Variants in RNF115 observed in about 807,000 individuals in gnomAD.
The protein encoded by RNF115 is E3 ubiquitin-protein ligase RNF115.
RNF115 carries 31 observed loss-of-function variants against 39.2 expected under a neutral mutation model. The ratio of observed to expected loss-of-function variants is 0.79; its 90% CI spans 0.59 to 1.07. The LOEUF (loss-of-function observed/expected upper bound fraction) is 1.07. Ranked by LOEUF, RNF115 falls within the 50% of genes least tolerant of loss-of-function variation. RNF115 has a pLI of 0.00. For synonymous variants in RNF115, 124 were observed against 131.0 expected (o/e 0.95, Z 0.37); for missense variants, 384 against 381.7 (o/e 1.01, Z -0.05).
intron 1 of RNF115, among the ~76,000 whole-genome samples, chr1:145,801,541 A>G (rs1352012584): frequency 2.0e-5 from 3 of 152,122 alleles, no homozygotes; most frequent in Non-Finnish European, 4.4e-5. Flanking sequence ...GTCAAAAAAA[A>G]AGAAAGAAAG....
intron 3 of RNF115, among the ~76,000 whole-genome samples, chr1:145,783,806 A>T (rs868965567): frequency 6.6e-6 from 1 of 152,166 alleles, no homozygotes; most frequent in East Asian, 1.9e-4. Flanking sequence ...TATACACTTA[A>T]GAACAGTTAC....
chr1:145,799,208 C>T (rs1465731988), intron 1 of RNF115, among the ~76,000 whole-genome samples: 3 of 151,908 alleles, frequency 2.0e-5, no homozygotes, highest in African/African-American at 7.3e-5. Context: ...GCTGGGACTA[C>T]AAATGCCTGC....
At chr1:145,822,317 A>G (rs1478932748) in intron 1 of RNF115, among the ~76,000 whole-genome samples, 5 of 150,880 alleles carry the variant, frequency 3.3e-5, no homozygotes, top group Non-Finnish European at 7.4e-5. Context: ...CTGTCTCAAA[A>G]AAAAAAAAAG....
chr1:145,753,604 G>C (rs1658179117), intron 4 of RNF115, among the ~76,000 whole-genome samples: 1 of 152,208 alleles, frequency 6.6e-6, no homozygotes, highest in East Asian at 1.9e-4. Context: ...CAGGTACACA[G>C]TTCTTTACAC....
At position 145,746,990 on chromosome 1, in the gene RNF115, G is replaced by A; in HGVS notation, c.791C>T (p.Thr264Ile). The A allele has an allele frequency of 6.2e-7, 1 of 1,611,122 alleles. No individual in the cohort carries two copies. The change falls in exon 9 of 9, where the codon ACA becomes ATA. Residue 264 changes from threonine to isoleucine, a missense_variant. Transcript: ENST00000582693. ...TAAGCTCTTCCTACATACAGGACAT[G>A]TGTCATGCTGAAACAGAAAAATATT... Reference protein sequence around the residue: ...CIVPWLELHDTCPVCRKSLNG... With the variant: ...CIVPWLELHDICPVCRKSLNG...
At chr1:145,805,793 T>C (rs1338296421) in intron 1 of RNF115, among the ~76,000 whole-genome samples, 5 of 152,142 alleles carry the variant, frequency 3.3e-5, no homozygotes, top group Non-Finnish European at 4.4e-5. Context: ...CTATCTCATT[T>C]TACAGACAAG....
chr1:145,771,951 GA>G (rs782462708), intron 3 of RNF115, 32 bp from the exon 4 acceptor site: 2 of 1,564,692 alleles, frequency 1.3e-6, no homozygotes, highest in Admixed American at 3.5e-5. Flanking sequence ...TCACATGTTA[GA>G]AAAATCAATC....
chr1:145,787,068 CAACAGT>C (rs1648414659), intron 2 of RNF115: 14 of 1,267,692 alleles, frequency 1.1e-5, no homozygotes, highest in African/African-American at 1.5e-5. Context: ...TAGATTCTGC[CAACAGT>C]AACAGTAAAG....
chr1:145,758,338 C>T (rs1658376536), intron 4 of RNF115, among the ~76,000 whole-genome samples: 2 of 152,158 alleles, frequency 1.3e-5, no homozygotes, highest in South Asian at 4.1e-4. Context: ...TGCCAACAGT[C>T]ATGTGAGTGA....
At chr1:145,749,800 T>C (rs782324592) in intron 7 of RNF115, among the ~76,000 whole-genome samples, 2 of 152,176 alleles carry the variant, frequency 1.3e-5, no homozygotes, top group Non-Finnish European at 2.9e-5. Context: ...TAGTTCATAC[T>C]TTTCCTTAAA....
intron 4 of RNF115, among the ~76,000 whole-genome samples, chr1:145,767,384 G>A (rs1410814625): frequency 6.6e-6 from 1 of 150,894 alleles, no homozygotes; most frequent in African/African-American, 2.4e-5. Flanking sequence ...GGGGTGGCAG[G>A]GCAGAGGCGC....
At chr1:145,775,076 G>A (rs1647818581) in intron 3 of RNF115, among the ~76,000 whole-genome samples, 1 of 152,072 alleles carries the variant, frequency 6.6e-6, no homozygotes, top group South Asian at 2.1e-4. Context: ...GTGAGATCCT[G>A]TCTCTACAAA....
intron 4 of RNF115, among the ~76,000 whole-genome samples, chr1:145,764,293 G>T (rs1452526010): frequency 6.6e-6 from 1 of 152,212 alleles, no homozygotes; most frequent in Non-Finnish European, 1.5e-5. Context: ...GCCTGCCTTG[G>T]CCTCCTAAAG....
intron 1 of RNF115, among the ~76,000 whole-genome samples, chr1:145,792,809 T>C (rs1648739739): frequency 6.6e-6 from 1 of 152,148 alleles, no homozygotes; most frequent in Admixed American, 6.5e-5. Flanking sequence ...GTAGGAAACT[T>C]TAGTTAACTA....
rs1053369461 is a variant in RNF115 at position 145,743,759 on chromosome 1, C to A, written c.*3107G>T. 1 of 147,462 alleles carries A rather than the reference C, an allele frequency of 6.8e-6. No individual in the cohort carries two copies. The highest frequency in any genetic ancestry group is 1.5e-5 in the Non-Finnish European group (1 of 67,390). 9.1% of individuals were successfully genotyped at this position (147,462 alleles called of 1,614,324 possible). A position where few individuals can be genotyped will look rare whatever the true frequency, so the allele number is the denominator to read the frequency against. ...TTGCACCACTGCACTCCAGCCTAGGCGACAGAGCAAGCCTCCATCTCAAAA... is the reference window on the plus strand; with the variant it reads ...TTGCACCACTGCACTCCAGCCTAGGAGACAGAGCAAGCCTCCATCTCAAAA... On this transcript the variant is annotated 3_prime_UTR_variant, in exon 9 of 9. Transcript: ENST00000582693.
chr1:145,801,579 A>G (rs1649246075), intron 1 of RNF115, among the ~76,000 whole-genome samples: 1 of 152,122 alleles, frequency 6.6e-6, no homozygotes, highest in Non-Finnish European at 1.5e-5. Flanking sequence ...TTTTAAAGGG[A>G]GGAACACTAA....
intron 1 of RNF115, among the ~76,000 whole-genome samples, chr1:145,793,343 AAT>A (rs587685972): frequency 4.5e-4 from 68 of 152,296 alleles, no homozygotes; most frequent in African/African-American, 1.5e-3. Flanking sequence ...AATATATGCA[AAT>A]ATATGAGTTT....
At chr1:145,812,724 A>G (rs1649790506) in intron 1 of RNF115, among the ~76,000 whole-genome samples, 1 of 151,744 alleles carries the variant, frequency 6.6e-6, no homozygotes, top group African/African-American at 2.4e-5. Context: ...CCAACAGTCT[A>G]CTTATCATAC....
intron 6 of RNF115, 24 bp downstream of exon 6, chr1:145,751,414 C>A: frequency 1.3e-6 from 2 of 1,529,588 alleles, no homozygotes; most frequent in Middle Eastern, 2.2e-4. Context: ...ACTGAACAGA[C>A]ACCCTCAAAA....
Sources: allele counts gnomAD v4.1 joint callset (sites outside exome capture counted in the v4.1 genomes callset), GRCh38; gene constraint gnomAD v4.1.1; transcripts MANE v1.5; gene names NCBI Gene and HGNC (gene_info 2026-07-23, HGNC 2026-07-21).